The following BMP8A variants were observed in gnomAD, a reference collection of about 807,000 sequenced individuals.
The protein encoded by BMP8A is BMP-8A.
A neutral mutation model predicts 36.8 loss-of-function variants in BMP8A; 14 were observed. The ratio of observed to expected loss-of-function variants is 0.38; its 90% CI spans 0.25 to 0.60. The LOEUF is 0.60. Ranked by LOEUF, BMP8A falls within the 20% of genes least tolerant of loss-of-function variation. The pLI, the probability that BMP8A is intolerant of heterozygous loss-of-function variation, is 0.63. For missense variants in BMP8A, 267 were observed against 551.1 expected (o/e 0.48, Z 5.16); for synonymous variants, 120 against 237.7 (o/e 0.50, Z 4.55).
At chr1:39,496,073 C>G (rs1645202678) in intron 1 of BMP8A, among the ~76,000 whole-genome samples, 1 of 152,216 alleles carries the variant, frequency 6.6e-6, no homozygotes, top group African/African-American at 2.4e-5. Flanking sequence ...TCTGCCCTTG[C>G]CAGCCGTGTG....
chr1:39,494,949 G>A (rs1290919709), intron 1 of BMP8A, among the ~76,000 whole-genome samples: 1 of 146,712 alleles, frequency 6.8e-6, no homozygotes, highest in African/African-American at 2.5e-5. Context: ...TCTTTATTCT[G>A]CTGTGCTAAC....
chr1:39,502,533 G>A (rs1645262340), intron 1 of BMP8A, among the ~76,000 whole-genome samples: 1 of 152,136 alleles, frequency 6.6e-6, no homozygotes, highest in African/African-American at 2.4e-5. Flanking sequence ...TTCCAGGGGT[G>A]GGGATGGAAA....
chr1:39,504,706 T>C lies in BMP8A; in HGVS notation c.335-6468T>C, dbSNP rs113174017. On this transcript the variant is annotated intron_variant, in intron 1 of 6. Coordinates refer to ENST00000331593, the MANE Select transcript of BMP8A (RefSeq NM_181809.4). ...GAGACAAAGTACAGAGGAAGAAAAG[T>C]GGGCCCAGGCAGCACTCAGCATACG... Among the ~76,000 whole-genome samples the C allele has an allele frequency of 3.7e-3, 566 of 152,240 alleles. 1 individual carries two copies. The highest frequency in any genetic ancestry group is 0.012 in the African/African-American group (511 of 41,460).
intron 1 of BMP8A, among the ~76,000 whole-genome samples, chr1:39,499,074 A>G (rs1430567193): frequency 6.6e-6 from 1 of 152,208 alleles, no homozygotes; most frequent in Non-Finnish European, 1.5e-5. Context: ...ATGTCCACCC[A>G]CATGGCTCCA....
intron 6 of BMP8A, chr1:39,523,419 C>T (rs1300069901): frequency 1.0e-5 from 11 of 1,102,488 alleles, no homozygotes; most frequent in East Asian, 2.8e-5. Context: ...GTGCGGCGCT[C>T]AGAGGCACAG....
chr1:39,518,002 C>T (rs960920426), intron 3 of BMP8A, among the ~76,000 whole-genome samples: 3 of 151,888 alleles, frequency 2.0e-5, no homozygotes, highest in Admixed American at 2.0e-4. Context: ...GGATGGAGGC[C>T]CAAACTGGCC....
chr1:39,494,657 G>A (rs1016728250), intron 1 of BMP8A, among the ~76,000 whole-genome samples: 2 of 152,060 alleles, frequency 1.3e-5, no homozygotes, highest in African/African-American at 2.4e-5. Context: ...GCCTGGCCAC[G>A]TGTGAACTTT....
chr1:39,497,146 A>C (rs1242231373), intron 1 of BMP8A, among the ~76,000 whole-genome samples: 7 of 152,156 alleles, frequency 4.6e-5, no homozygotes, highest in Non-Finnish European at 1.0e-4. Context: ...ATTCCATTGC[A>C]TGAATATACA....
chr1:39,503,875 T>G (rs1645275005), intron 1 of BMP8A, among the ~76,000 whole-genome samples: 1 of 152,084 alleles, frequency 6.6e-6, no homozygotes, highest in African/African-American at 2.4e-5. Flanking sequence ...TGGAAGGTTG[T>G]GGCTGCAGTA....
At position 39,491,701 on chromosome 1, in the gene BMP8A, C is replaced by G. The variant is rs1379986178; in HGVS notation, c.-291C>G. The G allele has an allele frequency of 6.2e-6, 1 of 161,664 alleles. No individual in the cohort carries two copies. Among genetic ancestry groups the G allele is most frequent in the Non-Finnish European group, 1.3e-5 (1 of 75,140 alleles). 10.0% of individuals were successfully genotyped at this position (161,664 alleles called of 1,614,324 possible). The stretch of plus-strand genomic sequence containing the variant: ...GCGCTGCGCGGACCGCAGCCACAGC[C>G]GGACTGGTGGGAACGGCGGCGACAG... On this transcript the variant is annotated 5_prime_UTR_variant, in exon 1 of 7. Transcript: ENST00000331593.
In BMP8A at chr1:39,527,139, C is replaced by T. The variant is rs147962249; in HGVS notation, c.*1341C>T. ...TGAACAAGCTGGCCACCAAAATTGG[C>T]GTCACCCTGGGTGCCCACCAGCGCT... On this transcript the variant is annotated 3_prime_UTR_variant, in exon 7 of 7. Coordinates refer to ENST00000331593, the MANE Select transcript of BMP8A (RefSeq NM_181809.4). Among the ~76,000 whole-genome samples, 16 of 152,258 alleles carry T rather than the reference C, an allele frequency of 1.1e-4. No individual in the cohort carries two copies. The highest frequency in any genetic ancestry group is 3.4e-4 in the African/African-American group (14 of 41,546).
intron 1 of BMP8A, among the ~76,000 whole-genome samples, chr1:39,497,592 G>A (rs1645216331): frequency 6.6e-6 from 1 of 152,172 alleles, no homozygotes; most frequent in Non-Finnish European, 1.5e-5. Flanking sequence ...GCTCTTTCCA[G>A]GCAGAAGCCC....
At position 39,529,301 on chromosome 1, in the gene BMP8A, T is replaced by C. The variant is rs1645512549; in HGVS notation, c.*3503T>C. The C allele has an allele frequency of 6.6e-6, 1 of 152,304 alleles. No individual in the cohort carries two copies. Among genetic ancestry groups the C allele is most frequent in the African/African-American group, 2.4e-5 (1 of 41,478 alleles). 9.4% of individuals were successfully genotyped at this position (152,304 alleles called of 1,614,324 possible). ...GGTGCTGCTGTATTTACCTGAGAGC[T>C]ATGCTTTTCATCAAAAACCTAAACG... On this transcript the variant is annotated 3_prime_UTR_variant, in exon 7 of 7. Coordinates refer to ENST00000331593, the MANE Select transcript of BMP8A (RefSeq NM_181809.4).
intron 1 of BMP8A, among the ~76,000 whole-genome samples, chr1:39,504,562 C>T (rs1645282936): frequency 1.3e-5 from 2 of 152,198 alleles, no homozygotes; most frequent in Non-Finnish European, 2.9e-5. Flanking sequence ...GACTCTTAAT[C>T]TCAGGGTCGT....
At chr1:39,519,385 C>T (rs905736875) in intron 3 of BMP8A, among the ~76,000 whole-genome samples, 3 of 139,662 alleles carry the variant, frequency 2.1e-5, no homozygotes, top group Non-Finnish European at 3.2e-5. Flanking sequence ...TGTGCCCCAG[C>T]TCTGTTCCTT....
chr1:39,494,513 G>T (rs1253271119), intron 1 of BMP8A, among the ~76,000 whole-genome samples: 1 of 151,866 alleles, frequency 6.6e-6, no homozygotes, highest in Non-Finnish European at 1.5e-5. Flanking sequence ...ACCACACCCA[G>T]ATAATTTTTA....
At chr1:39,525,576 G>A (rs1645474394) in intron 6 of BMP8A, 73 bp from the exon 7 acceptor site, 4 of 1,564,452 alleles carry the variant, frequency 2.6e-6, no homozygotes, top group East Asian at 2.3e-5. Flanking sequence ...AGGTGGAGCT[G>A]GGGCGGGGCT....
At chr1:39,523,485 C>T (rs750396900) in intron 6 of BMP8A, 21 of 1,304,562 alleles carry the variant, frequency 1.6e-5, no homozygotes, top group Middle Eastern at 2.8e-4. Flanking sequence ...ACACACGGGC[C>T]CCCGAGTACG....
intron 1 of BMP8A, among the ~76,000 whole-genome samples, chr1:39,502,235 C>CAAA (rs144694221): frequency 4.7e-4 from 58 of 123,094 alleles, no homozygotes; most frequent in Middle Eastern, 4.0e-3. Context: ...GAGACTGTCT[C>CAAA]AAAAAAAAAA....
Sources: gnomAD v4.1 joint callset for allele counts (sites outside exome capture counted in the v4.1 genomes callset) on GRCh38, gnomAD v4.1.1 for gene constraint, MANE v1.5 for transcripts, NCBI Gene and HGNC (gene_info 2026-07-23, HGNC 2026-07-21) for gene names.